Variants in GRK5 observed in about 807,000 individuals in gnomAD.
GRK5 encodes G protein-coupled receptor kinase 5.
A neutral mutation model predicts 78.4 loss-of-function variants in GRK5; 40 were observed. The ratio of observed to expected loss-of-function variants is 0.51; its 90% confidence interval spans 0.40 to 0.66. GRK5 has a LOEUF of 0.66. Among genes scored for constraint, GRK5 ranks in the 30% least tolerant of loss-of-function variants. The probability of loss-of-function intolerance (pLI) is 0.00; values close to 1 mark genes in which losing one functional copy is unlikely to be tolerated. For synonymous variants in GRK5, 289 were observed against 296.8 expected (o/e 0.97, Z 0.27); for missense variants, 598 against 759.9 (o/e 0.79, Z 2.50).
Position 119,264,724 on chromosome 10 carries a change from A to T in GRK5, c.52+56755A>T, listed in dbSNP as rs776359735. ...GCCCTGATCAGCAGCCTGGCATTGT[A>T]AGTGGGGTAGGACTATTCTTCAGCA... On this transcript the variant is annotated intron_variant, in intron 1 of 15. Transcript: ENST00000392870. The surrounding 1 kb of genome is among the most constrained non-coding windows in gnomAD (Gnocchi z 4.1). Among the ~76,000 whole-genome samples, 5 of 152,118 alleles carry T rather than the reference A, an allele frequency of 3.3e-5. No homozygotes were observed. The highest frequency in any genetic ancestry group is 2.1e-4 in the South Asian group (1 of 4,822).
chr10:119,242,056 C>T (rs896837608), intron 1 of GRK5, among the ~76,000 whole-genome samples: 2 of 152,058 alleles, frequency 1.3e-5, no homozygotes, highest in African/African-American at 4.8e-5. Context: ...TTTCTTCCTG[C>T]TGTGGGGGAG....
chr10:119,377,983 T>A (rs1183801729), intron 2 of GRK5: 1 of 154,418 alleles, frequency 6.5e-6, no homozygotes, highest in East Asian at 1.9e-4. Flanking sequence ...GCAACGGGAA[T>A]GCAGGCTGTA....
intron 4 of GRK5, among the ~76,000 whole-genome samples, chr10:119,418,102 T>G (rs767678152): frequency 6.6e-6 from 1 of 152,188 alleles, no homozygotes; most frequent in Non-Finnish European, 1.5e-5. Context: ...CCCGCTGGAA[T>G]AGCAGGCAGC....
chr10:119,454,178 A>C (rs780439911), intron 15 of GRK5, among the ~76,000 whole-genome samples: 13 of 152,218 alleles, frequency 8.5e-5, no homozygotes, highest in Non-Finnish European at 1.9e-4. Context: ...CGGAAGTTCC[A>C]GAAAGAATGA....
intron 9 of GRK5, among the ~76,000 whole-genome samples, chr10:119,437,991 G>T (rs113103364): frequency 8.4e-4 from 128 of 152,338 alleles, no homozygotes; most frequent in African/African-American, 2.8e-3. Context: ...CCAGATACTT[G>T]GGAGGCTGAG....
intron 1 of GRK5, among the ~76,000 whole-genome samples, chr10:119,273,412 A>G (rs1275314030): frequency 6.6e-6 from 1 of 152,140 alleles, no homozygotes; most frequent in South Asian, 2.1e-4. Flanking sequence ...TGAGCTCAGG[A>G]GCTGCAGGCT....
At chr10:119,342,077 A>G (rs975935369) in intron 2 of GRK5, among the ~76,000 whole-genome samples, 3 of 47,146 alleles carry the variant, frequency 6.4e-5, no homozygotes, top group African/African-American at 2.8e-4. Flanking sequence ...TGGCTGCCGG[A>G]GTTCGACTGG....
At chr10:119,236,187 C>T (rs1848922083) in intron 1 of GRK5, among the ~76,000 whole-genome samples, 1 of 151,820 alleles carries the variant, frequency 6.6e-6, no homozygotes, top group Non-Finnish European at 1.5e-5. Context: ...TTGTCTAGCC[C>T]AGAGGTTGCA....
At chr10:119,448,054 G>A (rs1853190708) in intron 12 of GRK5, 69 bp from the exon 13 acceptor site, 15 of 1,472,070 alleles carry the variant, frequency 1.0e-5, no homozygotes, top group African/African-American at 1.5e-5. Flanking sequence ...TGCAGACACT[G>A]TGGAGGCAGG....
At chr10:119,208,586 G>A (rs980026251) in intron 1 of GRK5, 25 of 152,136 alleles carry the variant, frequency 1.6e-4, no homozygotes, top group African/African-American at 5.1e-4. Context: ...AGTATTTCAG[G>A]TTTTTCTTTT....
At position 119,392,186 on chromosome 10, in the gene GRK5, T is replaced by C. The variant is rs138900062; in HGVS notation, c.262-4509T>C. The stretch of plus-strand genomic sequence containing the variant: ...GGCTATAAACTAAGATGCACATAGA[T>C]GTTTCCACTCTTTGGAAGGCACAGA... On this transcript the variant is annotated intron_variant, in intron 3 of 15. Coordinates refer to ENST00000392870, the MANE Select transcript of GRK5 (RefSeq NM_005308.3). Among the ~76,000 whole-genome samples the C allele has an allele frequency of 5.5e-3, 844 of 152,356 alleles. 12 individuals carry two copies. Among genetic ancestry groups the C allele is most frequent in the African/African-American group, 0.02 (814 of 41,582 alleles).
intron 2 of GRK5, among the ~76,000 whole-genome samples, chr10:119,346,019 C>T (rs527623481): frequency 2.0e-5 from 3 of 152,102 alleles, no homozygotes; most frequent in African/African-American, 7.2e-5. Context: ...TAGAGCATTC[C>T]ACATGTGTCC....
At chr10:119,347,689 C>T (rs1481887676) in intron 2 of GRK5, among the ~76,000 whole-genome samples, 1 of 152,266 alleles carries the variant, frequency 6.6e-6, no homozygotes, top group African/African-American at 2.4e-5. Context: ...CTTACCAGCC[C>T]TGGGCCTTAA....
At chr10:119,318,950 C>G (rs950150326) in intron 1 of GRK5, among the ~76,000 whole-genome samples, 2 of 152,104 alleles carry the variant, frequency 1.3e-5, no homozygotes, top group African/African-American at 4.8e-5. Context: ...GCCACAGGAG[C>G]AAAAGAAACG....
chr10:119,302,472 C>G (rs1351163902), intron 1 of GRK5, among the ~76,000 whole-genome samples: 1 of 152,152 alleles, frequency 6.6e-6, no homozygotes, highest in East Asian at 1.9e-4. Flanking sequence ...GAGCAGTGAC[C>G]ACCTCTAATC....
chr10:119,226,990 C>T (rs574755850), intron 1 of GRK5, among the ~76,000 whole-genome samples: 3 of 152,240 alleles, frequency 2.0e-5, no homozygotes, highest in Admixed American at 2.0e-4. Flanking sequence ...TCCCAAGTAG[C>T]TGGGATTATA....
chr10:119,368,356 C>T (rs1359278240), intron 2 of GRK5, among the ~76,000 whole-genome samples: 3 of 152,146 alleles, frequency 2.0e-5, no homozygotes, highest in African/African-American at 4.8e-5. Context: ...CGTATTGCCA[C>T]GTCGCAGGTG....
chr10:119,293,979 C>T (rs1354978175), intron 1 of GRK5, among the ~76,000 whole-genome samples: 1 of 152,132 alleles, frequency 6.6e-6, no homozygotes, highest in Non-Finnish European at 1.5e-5. Flanking sequence ...TGAGCATTTT[C>T]AACCTCCACC....
At position 119,311,914 on chromosome 10, in the gene GRK5, A is replaced by ACTTTTTTTTTTTTTTTTTTTTTTTT. The variant is rs34048341; in HGVS notation, c.53-14602_53-14601insCTTTTTTTTTTTTTTTTTTTTTTTT. On this transcript the variant is annotated intron_variant, in intron 1 of 15. Coordinates refer to ENST00000392870, the MANE Select transcript of GRK5 (RefSeq NM_005308.3). ...TGTACTGAATGCTACTGAATTGTTC[A>ACTTTTTTTTTTTTTTTTTTTTTTTT]TTTTTTTTTTTTTTTTTTTGAGACG... Among the ~76,000 whole-genome samples the ACTTTTTTTTTTTTTTTTTTTTTTTT allele has an allele frequency of 1.5e-5, 2 of 137,814 alleles. 1 individual carries two copies. The allele number at this position is 137,814 out of a possible 152,430, so 90.4% of individuals were successfully genotyped here.
Sources: gnomAD v4.1 joint callset for allele counts (sites outside exome capture counted in the v4.1 genomes callset) on GRCh38, gnomAD v4.1.1 for gene constraint, Gnocchi (gnomAD v3.1) non-coding constraint, MANE v1.5 for transcripts, NCBI Gene and HGNC (gene_info 2026-07-23, HGNC 2026-07-21) for gene names.